Variants in CRACR2A observed in about 807,000 individuals in gnomAD.
The protein encoded by CRACR2A is calcium release activated channel regulator 2A, also known as EF-hand calcium-binding domain-containing protein 4B.
A neutral mutation model predicts 90.5 loss-of-function variants in CRACR2A; 79 were observed. That is an observed-to-expected ratio of 0.87 (90% confidence interval 0.73 to 1.05). The LOEUF is 1.05. CRACR2A is among the 50% of genes least tolerant of loss of function. The pLI, the probability that CRACR2A is intolerant of heterozygous loss-of-function variation, is 0.00. For missense variants in CRACR2A, 823 were observed against 897.2 expected (o/e 0.92, Z 1.06); for synonymous variants, 338 against 356.7 (o/e 0.95, Z 0.59).
At chr12:3,640,509 T>A in intron 13 of CRACR2A, 1 of 1,212,022 alleles carries the variant, frequency 8.3e-7, no homozygotes, top group Non-Finnish European at 1.1e-6. Flanking sequence ...AGTAAACGTC[T>A]GCTGAATCAA....
intron 6 of CRACR2A, 98 bp from the exon 7 acceptor site, chr12:3,673,690 C>A (rs1037427884): frequency 2.2e-5 from 31 of 1,441,548 alleles, no homozygotes; most frequent in Non-Finnish European, 2.8e-5. Flanking sequence ...GAAACAGTAC[C>A]GTCAGAATCA....
At chr12:3,640,692 T>A in intron 13 of CRACR2A, 1 of 1,305,420 alleles carries the variant, frequency 7.7e-7, no homozygotes, top group Non-Finnish European at 1.0e-6. Context: ...CCGCTTTGCA[T>A]ATCTTTTTCA....
chr12:3,689,638 T>C (rs1308293453), intron 4 of CRACR2A, among the ~76,000 whole-genome samples: 1 of 152,234 alleles, frequency 6.6e-6, no homozygotes, highest in Non-Finnish European at 1.5e-5. Flanking sequence ...ATCAAGGATA[T>C]TGGCCTGAAG....
intron 4 of CRACR2A, among the ~76,000 whole-genome samples, chr12:3,694,280 T>C (rs752603955): frequency 1.4e-4 from 22 of 152,230 alleles, no homozygotes; most frequent in Non-Finnish European, 2.6e-4. Flanking sequence ...AAGCTGTCTG[T>C]GACTTTCTTC....
Position 3,696,992 on chromosome 12 carries a change from G to A in CRACR2A, c.8C>T (p.Ala3Val), listed in dbSNP as rs1168672745. The change falls in exon 4 of 20, where the codon GCC becomes GTC. Residue 3 changes from alanine (A) to valine (V), a missense_variant. Transcript: ENST00000440314. ...TCTGGAGACTACCCTCCCGTCAGGG[G>A]CAGCCATCGCGATTAGTCAGTTTCT... is the stretch of plus-strand genomic sequence containing the variant. Reference protein sequence around the residue: MAAPDGRVVSRPQ... With the variant: MAVPDGRVVSRPQ... 23 of 1,610,914 alleles carry A rather than the reference G, an allele frequency of 1.4e-5. No homozygotes were observed. Among genetic ancestry groups the A allele is most frequent in the Non-Finnish European group, 2.0e-5 (23 of 1,178,534 alleles).
At chr12:3,687,273 A>G (rs1945575339) in intron 4 of CRACR2A, among the ~76,000 whole-genome samples, 1 of 150,464 alleles carries the variant, frequency 6.6e-6, no homozygotes, top group African/African-American at 2.5e-5. Flanking sequence ...GGTTTGTTGT[A>G]CATATTATTT....
At chr12:3,632,394 A>G (rs1944390731) in intron 15 of CRACR2A, among the ~76,000 whole-genome samples, 1 of 152,168 alleles carries the variant, frequency 6.6e-6, no homozygotes, top group African/African-American at 2.4e-5. Context: ...CAAATGAGAG[A>G]AAACTGAAGC....
chr12:3,744,850 C>T (rs1402034840), intron 1 of CRACR2A, among the ~76,000 whole-genome samples: 1 of 152,170 alleles, frequency 6.6e-6, no homozygotes, highest in Non-Finnish European at 1.5e-5. Context: ...TCTCCAACCC[C>T]ATCAGTTTGA....
chr12:3,640,833 C>CTCTCAATGAGCTCATTG, intron 13 of CRACR2A: 2 of 1,301,926 alleles, frequency 1.5e-6, no homozygotes, highest in Non-Finnish European at 2.0e-6. Context: ...ACTGGTTTGT[C>CTCTCAATGAGCTCATTG]TCTCAATGAG....
intron 3 of CRACR2A, among the ~76,000 whole-genome samples, chr12:3,699,274 G>A (rs1046822350): frequency 6.6e-6 from 1 of 152,016 alleles, no homozygotes; most frequent in African/African-American, 2.4e-5. Context: ...TCATTTTAAC[G>A]GGAACGTCTT....
chr12:3,656,040 C>T (rs1944899476), intron 9 of CRACR2A, among the ~76,000 whole-genome samples: 1 of 152,168 alleles, frequency 6.6e-6, no homozygotes, highest in Non-Finnish European at 1.5e-5. Flanking sequence ...ATTCTCGTGG[C>T]TCCTGGGTAT....
chr12:3,658,057 C>T (rs1204477824), intron 8 of CRACR2A, among the ~76,000 whole-genome samples: 1 of 152,176 alleles, frequency 6.6e-6, no homozygotes, highest in Admixed American at 6.5e-5. Flanking sequence ...GAGCAGTTTC[C>T]ATGTTCACCC....
chr12:3,616,434 A>T (rs912088415), intron 19 of CRACR2A, among the ~76,000 whole-genome samples: 4 of 152,160 alleles, frequency 2.6e-5, no homozygotes. Flanking sequence ...GGCCTTAAGG[A>T]ACCAGTCTTT....
chr12:3,687,702 T>C (rs373636290), intron 4 of CRACR2A, among the ~76,000 whole-genome samples: 28 of 152,344 alleles, frequency 1.8e-4, no homozygotes, highest in East Asian at 1.5e-3. Flanking sequence ...CCTTTGGGTA[T>C]ATACCCAGTA....
At chr12:3,616,645 C>A (rs1012355017) in intron 19 of CRACR2A, among the ~76,000 whole-genome samples, 3 of 152,220 alleles carry the variant, frequency 2.0e-5, no homozygotes, top group South Asian at 2.1e-4. Flanking sequence ...GGCCTTCCCC[C>A]AGAAGGATTG....
At chr12:3,634,361 G>A (rs553580640) in intron 14 of CRACR2A, among the ~76,000 whole-genome samples, 4 of 152,158 alleles carry the variant, frequency 2.6e-5, no homozygotes, top group Admixed American at 2.0e-4. Flanking sequence ...GGGTAACTGA[G>A]GCACGAGGGT....
intron 13 of CRACR2A, among the ~76,000 whole-genome samples, chr12:3,639,305 G>T (rs1159254647): frequency 1.3e-5 from 2 of 152,128 alleles, no homozygotes; most frequent in Admixed American, 1.3e-4. Context: ...AGCACTAAGG[G>T]CAAGGAGAAG....
intron 7 of CRACR2A, among the ~76,000 whole-genome samples, chr12:3,669,762 T>C (rs1369768046): frequency 2.6e-5 from 4 of 152,054 alleles, no homozygotes; most frequent in Non-Finnish European, 5.9e-5. Flanking sequence ...GTGGAGTAAA[T>C]GTGAGGAGGA....
At chr12:3,684,933 G>A (rs972359303) in intron 4 of CRACR2A, among the ~76,000 whole-genome samples, 2 of 152,322 alleles carry the variant, frequency 1.3e-5, no homozygotes, top group African/African-American at 4.8e-5. Flanking sequence ...TGTGGGAGCC[G>A]CCAGATTAAG....
Sources: gnomAD v4.1 joint callset for allele counts (sites outside exome capture counted in the v4.1 genomes callset) on GRCh38, gnomAD v4.1.1 for gene constraint, MANE v1.5 for transcripts, NCBI Gene and HGNC (gene_info 2026-07-23, HGNC 2026-07-21) for gene names.